The following CCDC85C variants were observed in gnomAD, a reference collection of about 807,000 sequenced individuals.
CCDC85C encodes the protein coiled-coil domain-containing protein 85C.
A neutral mutation model predicts 38.3 loss-of-function variants in CCDC85C; 18 were observed. The ratio of observed to expected loss-of-function variants is 0.47; its 90% CI spans 0.33 to 0.70. The LOEUF (loss-of-function observed/expected upper bound fraction) is 0.70, where lower values mean the gene tolerates loss of function less well. Ranked by LOEUF, CCDC85C falls within the 30% of genes least tolerant of loss-of-function variation. The pLI is 0.03. For missense variants in CCDC85C, 566 were observed against 621.2 expected, an observed-to-expected ratio of 0.91 and a Z score of 0.94; for synonymous variants, 264 against 293.8, an observed-to-expected ratio of 0.90 and a Z score of 1.04.
chr14:99,522,554 A>C, intron 2 of CCDC85C: 2 of 227,132 alleles, frequency 8.8e-6, no homozygotes, highest in Non-Finnish European at 8.8e-6. Context: ...TGTCTCTCCC[A>C]CCCCGTGACT....
chr14:99,536,844 A>G (rs6575730), intron 1 of CCDC85C, among the ~76,000 whole-genome samples: 12,366 of 152,162 alleles, frequency 0.081, 1,709 homozygotes, highest in African/African-American at 0.28. Flanking sequence ...AGGAAAACAC[A>G]AAAAAATCCC....
intron 1 of CCDC85C, among the ~76,000 whole-genome samples, chr14:99,599,724 T>C (rs894422578): frequency 1.1e-4 from 17 of 151,992 alleles, no homozygotes; most frequent in Non-Finnish European, 2.9e-5. Flanking sequence ...ATCCAGTCTC[T>C]ACAAAAAATT....
chr14:99,500,813 T>C lies in CCDC85C; in HGVS notation c.*14433A>G. 1 of 1,568,622 alleles carries C rather than the reference T, an allele frequency of 6.4e-7. No individual in the cohort carries two copies. Among genetic ancestry groups the C allele is most frequent in the Admixed American group, 1.9e-5 (1 of 53,468 alleles). On this transcript the variant is annotated 3_prime_UTR_variant, in exon 6 of 6. Coordinates refer to ENST00000380243, the MANE Select transcript of CCDC85C (RefSeq NM_001144995.2). ...GAATCTTACTGCAGACCATCAAGTT[T>C]GATTTACAGGTAGAACATCCATACC...
At chr14:99,534,749 C>CAGGTG in intron 2 of CCDC85C, 1 of 702,182 alleles carries the variant, frequency 1.4e-6, no homozygotes, top group Non-Finnish European at 2.6e-6. Flanking sequence ...ACTCCACAGA[C>CAGGTG]AGGTGAGACC....
chr14:99,561,123 G>A (rs117864503), intron 1 of CCDC85C, among the ~76,000 whole-genome samples: 3,149 of 152,126 alleles, frequency 0.021, 37 homozygotes, highest in African/African-American at 0.036. Flanking sequence ...CTACGTGCAT[G>A]GGGGGGTGCC....
At chr14:99,523,748 T>G (rs745649339) in intron 2 of CCDC85C, among the ~76,000 whole-genome samples, 10 of 151,554 alleles carry the variant, frequency 6.6e-5, no homozygotes, top group African/African-American at 9.8e-5. Flanking sequence ...GTGTGATGGG[T>G]TTTAGATAAC....
At chr14:99,517,617 G>A (rs1268634109) in intron 3 of CCDC85C, among the ~76,000 whole-genome samples, 1 of 152,156 alleles carries the variant, frequency 6.6e-6, no homozygotes, top group Non-Finnish European at 1.5e-5. Context: ...CCACCCTGGA[G>A]CCACCGGTGG....
intron 3 of CCDC85C, among the ~76,000 whole-genome samples, chr14:99,519,257 A>AT (rs1897271949): frequency 6.7e-6 from 1 of 149,004 alleles, no homozygotes; most frequent in Non-Finnish European, 1.5e-5. Context: ...TTGGAACTAC[A>AT]GATGCACACC....
Position 99,513,611 on chromosome 14 carries a change from C to T in CCDC85C, c.*1635G>A, listed in dbSNP as rs144603938. On this transcript the variant is annotated 3_prime_UTR_variant, in exon 6 of 6. Coordinates refer to ENST00000380243, the MANE Select transcript of CCDC85C (RefSeq NM_001144995.2). ...TAGAGCCGCCAGCTAGGGAGAGGGA[C>T]AGGGCGGCCATCTCCCTCCTCTTGC... The T allele has an allele frequency of 4.9e-3, 740 of 152,416 alleles. 6 individuals are homozygous for T. Among genetic ancestry groups the T allele is most frequent in the Admixed American group, 9.3e-3 (142 of 15,308 alleles). 9.4% of individuals were successfully genotyped at this position (152,416 alleles called of 1,614,324 possible).
chr14:99,525,872 TG>T (rs1474290815), intron 2 of CCDC85C, among the ~76,000 whole-genome samples: 1 of 152,118 alleles, frequency 6.6e-6, no homozygotes, highest in African/African-American at 2.4e-5. Flanking sequence ...CAGGGATGGG[TG>T]GGGACCTGCG....
At chr14:99,542,320 G>A (rs768518947) in intron 1 of CCDC85C, among the ~76,000 whole-genome samples, 1 of 152,172 alleles carries the variant, frequency 6.6e-6, no homozygotes, top group Admixed American at 6.5e-5. Flanking sequence ...AGGGAGAACC[G>A]GGCTCCAGGC....
intron 2 of CCDC85C, among the ~76,000 whole-genome samples, chr14:99,526,760 T>C (rs1002033285): frequency 1.3e-5 from 2 of 152,174 alleles, no homozygotes; most frequent in Non-Finnish European, 2.9e-5. Context: ...CAGTGGCCTA[T>C]CAGGCTGACA....
In CCDC85C at chr14:99,558,249, C is replaced by T. The variant is rs907322132; in HGVS notation, c.794-22161G>A. Among the ~76,000 whole-genome samples, 4 of 152,168 alleles carry T rather than the reference C, an allele frequency of 2.6e-5. No individual in the cohort carries two copies. Among genetic ancestry groups the T allele is most frequent in the Non-Finnish European group, 5.9e-5 (4 of 68,026 alleles). ...GTCACTCCACCTCCCTGCCACCTAC[C>T]GTAGCAAGCCGAGCAGTGTCCTTCC... On this transcript the variant is annotated intron_variant, in intron 1 of 5. Coordinates refer to ENST00000380243, the MANE Select transcript of CCDC85C (RefSeq NM_001144995.2). The surrounding 1 kb of genome is among the most constrained non-coding windows in gnomAD (Gnocchi z 4.2).
chr14:99,564,419 G>C (rs796664886), intron 1 of CCDC85C, among the ~76,000 whole-genome samples: 76 of 152,366 alleles, frequency 5.0e-4, no homozygotes, highest in African/African-American at 1.8e-3. Context: ...CAGCATGTTA[G>C]GGTTTTGGTC....
At chr14:99,521,667 C>G (rs1181897530) in intron 3 of CCDC85C, among the ~76,000 whole-genome samples, 1 of 152,214 alleles carries the variant, frequency 6.6e-6, no homozygotes, top group Non-Finnish European at 1.5e-5. Context: ...GGGCACAGTC[C>G]TGAGCTAGGT....
chr14:99,521,062 C>T (rs112072581), intron 3 of CCDC85C, among the ~76,000 whole-genome samples: 1,776 of 152,296 alleles, frequency 0.012, 39 homozygotes, highest in African/African-American at 0.04. Flanking sequence ...GCAGGCCACG[C>T]GGAAGACTTC....
chr14:99,596,714 G>A (rs1201541193), intron 1 of CCDC85C, among the ~76,000 whole-genome samples: 1 of 152,218 alleles, frequency 6.6e-6, no homozygotes, highest in African/African-American at 2.4e-5. Context: ...AGACAAGTTT[G>A]TTCCTCTATC....
intron 2 of CCDC85C, among the ~76,000 whole-genome samples, chr14:99,524,780 A>C (rs910568683): frequency 6.6e-6 from 1 of 152,220 alleles, no homozygotes; most frequent in African/African-American, 2.4e-5. Context: ...TGTTCTGCAC[A>C]CAGAGAAGAG....
In CCDC85C at chr14:99,544,489, G is replaced by GGTGT. The variant is rs111754976; in HGVS notation, c.794-8405_794-8402dup. Among the ~76,000 whole-genome samples, 3,182 of 147,952 alleles carry GGTGT rather than the reference G, an allele frequency of 0.022. 97 individuals carry two copies. The highest frequency in any genetic ancestry group is 0.067 in the African/African-American group (2,721 of 40,436). On this transcript the variant is annotated intron_variant, in intron 1 of 5. Coordinates refer to ENST00000380243, the MANE Select transcript of CCDC85C (RefSeq NM_001144995.2). The surrounding 1 kb of genome is among the most constrained non-coding windows in gnomAD (Gnocchi z 5.3). ...ATAAAAACAGGGCTAAAATTTGAAG[G>GGTGT]GTGTGTGTGTGTGTGTGTGTGTGTG...
Sources: allele counts gnomAD v4.1 joint callset (sites outside exome capture counted in the v4.1 genomes callset), GRCh38; gene constraint gnomAD v4.1.1; non-coding constraint Gnocchi (gnomAD v3.1); transcripts MANE v1.5; gene names NCBI Gene and HGNC (gene_info 2026-07-23, HGNC 2026-07-21).